The following TMEM131L variants were observed in gnomAD, a reference collection of about 807,000 sequenced individuals.
TMEM131L encodes the protein transmembrane 131 like, also known as transmembrane protein 131-like.
Under a neutral mutation model 192.2 loss-of-function variants are expected in TMEM131L, and 54 were observed. That is an observed-to-expected ratio of 0.28 (90% CI 0.23 to 0.35). The LOEUF (loss-of-function observed/expected upper bound fraction) is 0.35. Ranked by LOEUF, TMEM131L falls within the 10% of genes least tolerant of loss-of-function variation. TMEM131L has a pLI of 1.00. For synonymous variants in TMEM131L, 701 were observed against 704.9 expected, an observed-to-expected ratio of 0.99 and a Z score of 0.09; for missense variants, 1,888 against 1,972.9, an observed-to-expected ratio of 0.96 and a Z score of 0.82.
intron 2 of TMEM131L, 53 bp downstream of exon 2, chr4:153,467,334 G>A (rs1029733199): frequency 3.6e-5 from 54 of 1,479,524 alleles, no homozygotes; most frequent in African/African-American, 3.5e-4. Flanking sequence ...GAGGAGAGGC[G>A]GGGAGGCCCC....
chr4:153,494,675 C>T (rs1340599494), intron 3 of TMEM131L, among the ~76,000 whole-genome samples: 1 of 152,174 alleles, frequency 6.6e-6, no homozygotes, highest in African/African-American at 2.4e-5. Flanking sequence ...CTGTTGCAGA[C>T]CTTGCCTATG....
chr4:153,476,234 C>T (rs757924770), intron 3 of TMEM131L, among the ~76,000 whole-genome samples: 5 of 152,130 alleles, frequency 3.3e-5, no homozygotes, highest in Non-Finnish European at 7.4e-5. Context: ...GCTGGTATTA[C>T]AGGCATGAGC....
chr4:153,481,308 A>G (rs1211587491), intron 3 of TMEM131L, among the ~76,000 whole-genome samples: 2 of 152,178 alleles, frequency 1.3e-5, no homozygotes, highest in Non-Finnish European at 2.9e-5. Context: ...CTGTCTCCCT[A>G]GCACCTAACC....
intron 7 of TMEM131L, among the ~76,000 whole-genome samples, chr4:153,559,383 C>G (rs12504278): frequency 0.51 from 77,457 of 151,974 alleles, 22,058 homozygotes; most frequent in African/African-American, 0.76. Context: ...AACCAGGGGG[C>G]ATGTGTTGAA....
Position 153,553,823 on chromosome 4 carries a change from T to C in TMEM131L, c.309-1964T>C, listed in dbSNP as rs574041429. On this transcript the variant is annotated intron_variant, in intron 4 of 34. Coordinates refer to ENST00000409959, the MANE Select transcript of TMEM131L (RefSeq NM_001131007.2). ...ATTCATAGAGATTTTAATCATTCTT[T>C]TGTAGTGTTAAATTAACAGAGTATC... is the stretch of plus-strand genomic sequence containing the variant. Among the ~76,000 whole-genome samples the C allele has an allele frequency of 2.0e-5, 3 of 152,332 alleles. No individual in the cohort carries two copies. The South Asian group carries it at 6.2e-4, about 32-fold the overall frequency.
chr4:153,498,673 T>G (rs1733369416), intron 3 of TMEM131L, among the ~76,000 whole-genome samples: 1 of 152,182 alleles, frequency 6.6e-6, no homozygotes, highest in Non-Finnish European at 1.5e-5. Flanking sequence ...TGAGATCCTG[T>G]GGCCCTTTGG....
chr4:153,624,347 G>A (rs995500622), intron 29 of TMEM131L, among the ~76,000 whole-genome samples: 1 of 152,170 alleles, frequency 6.6e-6, no homozygotes, highest in African/African-American at 2.4e-5. Flanking sequence ...TCTAACTCCT[G>A]GCCTCAAGTG....
At position 153,636,657 on chromosome 4, in the gene TMEM131L, A is replaced by G; in HGVS notation, c.*81A>G. 7.3e-7 allele frequency: 1 copy of G among 1,377,722 alleles called. No individual in the cohort carries two copies. Among genetic ancestry groups the G allele is most frequent in the Non-Finnish European group, 9.9e-7 (1 of 1,006,874 alleles). 85.3% of individuals were successfully genotyped at this position (1,377,722 alleles called of 1,614,324 possible). ...TGTAAACTGGTTATTGAGATAGATT[A>G]TGACATTGGTGGATATTTTGGCACT... is the stretch of plus-strand genomic sequence containing the variant. On this transcript the variant is annotated 3_prime_UTR_variant, in exon 35 of 35. Coordinates refer to ENST00000409959, the MANE Select transcript of TMEM131L (RefSeq NM_001131007.2).
intron 29 of TMEM131L, 96 bp downstream of exon 29, chr4:153,623,179 G>A: frequency 8.6e-7 from 1 of 1,159,538 alleles, no homozygotes; most frequent in South Asian, 1.6e-5. Flanking sequence ...CTTCAGGAGT[G>A]CAGAGGACAG....
chr4:153,521,583 A>G (rs1561154620), intron 3 of TMEM131L, among the ~76,000 whole-genome samples: 2 of 152,172 alleles, frequency 1.3e-5, no homozygotes, highest in Admixed American at 1.3e-4. Flanking sequence ...AGTGGCGTTA[A>G]GTATACCCAT....
At chr4:153,587,918 C>A in intron 15 of TMEM131L, 107 bp downstream of exon 15, 1 of 823,614 alleles carries the variant, frequency 1.2e-6, no homozygotes, top group Non-Finnish European at 2.1e-6. Flanking sequence ...GTAAAGGCAT[C>A]ATATTCTATA....
At chr4:153,583,351 T>G in intron 10 of TMEM131L, 103 bp downstream of exon 10, 1 of 797,558 alleles carries the variant, frequency 1.3e-6, no homozygotes, top group Non-Finnish European at 2.2e-6. Context: ...GCACTATCTT[T>G]ATTCTTTTTT....
intron 3 of TMEM131L, among the ~76,000 whole-genome samples, chr4:153,509,879 C>G (rs976211762): frequency 6.6e-6 from 1 of 152,130 alleles, no homozygotes; most frequent in Non-Finnish European, 1.5e-5. Flanking sequence ...AGTTGGAAAT[C>G]GCTGCGTCGG....
chr4:153,551,817 T>G (rs1194399532), intron 4 of TMEM131L, among the ~76,000 whole-genome samples: 2 of 152,232 alleles, frequency 1.3e-5, no homozygotes, highest in Non-Finnish European at 2.9e-5. Context: ...TAATAGAAGC[T>G]GAATGCTTAG....
At chr4:153,560,136 C>A (rs551877119) in intron 7 of TMEM131L, among the ~76,000 whole-genome samples, 1 of 152,156 alleles carries the variant, frequency 6.6e-6, no homozygotes, top group African/African-American at 2.4e-5. Flanking sequence ...TCTAGACTTC[C>A]GCTCCCATAC....
intron 3 of TMEM131L, among the ~76,000 whole-genome samples, chr4:153,476,000 C>G (rs971740401): frequency 5.9e-5 from 9 of 152,194 alleles, no homozygotes; most frequent in African/African-American, 2.2e-4. Context: ...ACTCTGTTGC[C>G]CAGGCTGGAG....
intron 2 of TMEM131L, among the ~76,000 whole-genome samples, chr4:153,469,314 G>GACACACACACACAC (rs201245535): frequency 0.054 from 8,067 of 148,846 alleles, 730 homozygotes; most frequent in African/African-American, 0.18. Flanking sequence ...GGGTAAGGGA[G>GACACACACACACAC]ACACACACAC....
rs1171157274 is a variant in TMEM131L, at chr4:153,624,908, CA to C, written c.4046-1238del. On this transcript the variant is annotated intron_variant, in intron 29 of 34. Transcript: ENST00000409959. ...TCTGAGAGACTAGTGCAGTAGCAGCCATGAAAACCTAGAGGAAGTGCCCACG... is the reference window on the plus strand; with the variant it reads ...TCTGAGAGACTAGTGCAGTAGCAGCCTGAAAACCTAGAGGAAGTGCCCACG... 3.9e-5 allele frequency among the ~76,000 whole-genome samples: 6 copies of C among 152,328 alleles called. No homozygotes were observed. In the South Asian group the frequency reaches 1.0e-3, roughly 26 times the overall value.
rs1278138334 is a variant in TMEM131L at position 153,476,070 on chromosome 4, T to C, written c.239+2182T>C. 2.0e-5 allele frequency among the ~76,000 whole-genome samples: 3 copies of C among 152,182 alleles called. No homozygotes were observed. In the East Asian group the frequency reaches 5.8e-4, roughly 29 times the overall value. ...CCCTCCTGGGTTCAAGTGATTCTCC[T>C]GCCTCAGCTTCCTGAGTAGCTGGGA... On this transcript the variant is annotated intron_variant, in intron 3 of 34. Transcript: ENST00000409959.
Sources: allele counts gnomAD v4.1 joint callset (sites outside exome capture counted in the v4.1 genomes callset), GRCh38; gene constraint gnomAD v4.1.1; transcripts MANE v1.5; gene names NCBI Gene and HGNC (gene_info 2026-07-23, HGNC 2026-07-21).